The following RIMKLB variants were observed in gnomAD, a reference collection of about 807,000 sequenced individuals.
RIMKLB encodes the protein beta-citrylglutamate synthase B.
Under a neutral mutation model 32.0 loss-of-function variants are expected in RIMKLB, and 7 were observed. That is an observed-to-expected ratio of 0.22 (90% CI 0.12 to 0.41). The LOEUF (loss-of-function observed/expected upper bound fraction) is 0.41, where lower values mean the gene tolerates loss of function less well. Among genes scored for constraint, RIMKLB ranks in the 10% least tolerant of loss-of-function variants. RIMKLB has a pLI of 1.00. For synonymous variants in RIMKLB, 172 were observed against 185.1 expected (o/e 0.93, Z 0.57); for missense variants, 289 against 498.7 (o/e 0.58, Z 4.00).
the RIMKLB span, among the ~76,000 whole-genome samples, chr12:8,674,842 G>A: frequency 6.7e-5 from 10 of 149,390 alleles, no homozygotes; most frequent in East Asian, 2.0e-4. Flanking sequence ...GAGCCACTGC[G>A]TCCAGCCTTT....
Position 8,750,101 on chromosome 12 carries a change from A to G in RIMKLB, c.406+9A>G. The G allele has an allele frequency of 6.5e-7, 1 of 1,547,032 alleles. No individual in the cohort carries two copies. Among genetic ancestry groups the G allele is most frequent in the Non-Finnish European group, 8.9e-7 (1 of 1,119,614 alleles). On this transcript the variant is annotated intron_variant, in intron 3 of 5. Coordinates refer to ENST00000535829, the MANE Select transcript of RIMKLB (RefSeq NM_001297776.2). ...GGATACTTTCTCTTATGGTGAGCCT[A>G]CTAAAGAGCATACATAGCCTGAATA...
intron 2 of RIMKLB, among the ~76,000 whole-genome samples, chr12:8,721,610 A>C (rs1248304435): frequency 6.6e-6 from 1 of 152,134 alleles, no homozygotes; most frequent in African/African-American, 2.4e-5. Flanking sequence ...TGCCATCTCC[A>C]CCACATTTGC....
intron 2 of RIMKLB, among the ~76,000 whole-genome samples, chr12:8,728,763 T>TTGTGTG (rs375795748): frequency 9.4e-5 from 14 of 149,492 alleles, no homozygotes; most frequent in Admixed American, 2.0e-4. Flanking sequence ...GCTCTGCTAA[T>TTGTGTG]TGTGTGTGTG....
chr12:8,752,659 T>C (rs1367704143), intron 4 of RIMKLB, among the ~76,000 whole-genome samples: 1 of 152,236 alleles, frequency 6.6e-6, no homozygotes, highest in Non-Finnish European at 1.5e-5. Flanking sequence ...TATAACACTT[T>C]ACAAGATGGC....
rs1358927134 is a variant in RIMKLB, at chr12:8,776,692, C to T, written c.*2908C>T. 2.0e-6 allele frequency: 2 copies of T among 984,372 alleles called. No homozygotes were observed. Among genetic ancestry groups the T allele is most frequent in the African/African-American group, 3.5e-5 (2 of 57,102 alleles). The allele number at this position is 984,372 out of a possible 1,614,324, so 61.0% of individuals were successfully genotyped here. On this transcript the variant is annotated 3_prime_UTR_variant, in exon 6 of 6. Transcript: ENST00000535829. ...TAATAGTTTTTTTCTTTTTTGGTGC[C>T]TATAATTGATTGGTCATTTCTGCTG...
At chr12:8,704,105 C>T (rs1288195578) in intron 1 of RIMKLB, among the ~76,000 whole-genome samples, 4 of 152,226 alleles carry the variant, frequency 2.6e-5, no homozygotes, top group East Asian at 1.9e-4. Context: ...TTTTATGGGT[C>T]GGACGTGGTG....
intron 2 of RIMKLB, among the ~76,000 whole-genome samples, chr12:8,724,890 T>A (rs751810414): frequency 1.3e-5 from 2 of 152,206 alleles, no homozygotes; most frequent in Non-Finnish European, 2.9e-5. Context: ...TGTTACTTGC[T>A]TCATTCTCCT....
upstream of RIMKLB, among the ~76,000 whole-genome samples, chr12:8,695,693 A>G (rs981683562): frequency 4.2e-4 from 59 of 139,314 alleles, no homozygotes; most frequent in Non-Finnish European, 5.5e-4. Flanking sequence ...TTGAATAGCA[A>G]CTTTTTTTTT....
intron 5 of RIMKLB, among the ~76,000 whole-genome samples, chr12:8,762,384 C>G (rs1220905092): frequency 6.6e-6 from 1 of 151,884 alleles, no homozygotes; most frequent in Middle Eastern, 3.2e-3. Context: ...AGGGGATTAC[C>G]CCATGCTAGG....
At chr12:8,780,920 A>G (rs1950992445), downstream of RIMKLB, among the ~76,000 whole-genome samples, 1 of 152,258 alleles carries the variant, frequency 6.6e-6, no homozygotes, top group African/African-American at 2.4e-5. Context: ...ATGTAAAATT[A>G]GGATTTTTCT....
In RIMKLB at chr12:8,754,059, A is replaced by G. The variant is rs961086648; in HGVS notation, c.663A>G (p.Ser221=). The part of the protein sequence containing the change: ...GRVVGTMLRC[S]TDGRMQSNCS... The stretch of plus-strand genomic sequence containing the variant: ...TGGTTGGCACCATGTTACGTTGTTC[A>G]ACAGATGGGAGAATGCAAAGCAACT... Residue 221 remains serine, a synonymous_variant, in exon 5 of 6, where the codon TCA becomes TCG. Coordinates refer to ENST00000535829, the MANE Select transcript of RIMKLB (RefSeq NM_001297776.2). 3 of 1,613,980 alleles carry G rather than the reference A, an allele frequency of 1.9e-6. No homozygotes were observed. Among genetic ancestry groups the G allele is most frequent in the Middle Eastern group, 1.6e-4 (1 of 6,084 alleles).
At chr12:8,708,899 T>C (rs1944128687) in intron 1 of RIMKLB, among the ~76,000 whole-genome samples, 1 of 152,214 alleles carries the variant, frequency 6.6e-6, no homozygotes, top group African/African-American at 2.4e-5. Flanking sequence ...AGAATTTCTC[T>C]TTATTTCAAA....
At chr12:8,772,282 T>C (rs981182932) in intron 5 of RIMKLB, among the ~76,000 whole-genome samples, 7 of 152,036 alleles carry the variant, frequency 4.6e-5, no homozygotes, top group Non-Finnish European at 8.8e-5. Context: ...TGTACTCTCT[T>C]TGAGTTTCTC....
chr12:8,782,260 ATTTTG>A (rs1465767557), intron 7 of RIMKLB, among the ~76,000 whole-genome samples: 10 of 152,160 alleles, frequency 6.6e-5, no homozygotes, highest in East Asian at 3.9e-4. Context: ...TGGCACAATA[ATTTTG>A]TTTTATTTTG....
intron 7 of RIMKLB, among the ~76,000 whole-genome samples, chr12:8,782,415 A>G (rs1951140630): frequency 6.6e-6 from 1 of 151,624 alleles, no homozygotes. Context: ...ACACACACAC[A>G]TATATATATT....
At chr12:8,674,362 C>G in the RIMKLB span, among the ~76,000 whole-genome samples, 401 of 151,456 alleles carry the variant, frequency 2.6e-3, 3 homozygotes, top group Non-Finnish European at 4.6e-3. Flanking sequence ...GCTCAGCCTC[C>G]CGAGTAGCTG....
the RIMKLB span, among the ~76,000 whole-genome samples, chr12:8,676,150 G>T: frequency 1.3e-5 from 2 of 151,908 alleles, no homozygotes; most frequent in Admixed American, 6.6e-5. Flanking sequence ...TTGGCTCACT[G>T]CAGCCTCGAC....
chr12:8,697,138 CA>C (rs1942917592), upstream of RIMKLB: 1 of 152,162 alleles, frequency 6.6e-6, no homozygotes, highest in South Asian at 2.1e-4. Context: ...CTTTTCACAA[CA>C]AAGGCTCAGA....
chr12:8,745,004 C>G (rs1182958004), intron 2 of RIMKLB, among the ~76,000 whole-genome samples: 2 of 151,984 alleles, frequency 1.3e-5, no homozygotes, highest in African/African-American at 4.9e-5. Flanking sequence ...CAGCCCCTCA[C>G]CTGCCAACGG....
Sources: gnomAD v4.1 joint callset for allele counts (sites outside exome capture counted in the v4.1 genomes callset) on GRCh38, gnomAD v4.1.1 for gene constraint, MANE v1.5 for transcripts, NCBI Gene and HGNC (gene_info 2026-07-23, HGNC 2026-07-21) for gene names.